The following ANKS1B variants were observed in gnomAD, a reference collection of about 807,000 sequenced individuals.
ANKS1B encodes ankyrin repeat and sterile alpha motif domain containing 1B.
ANKS1B carries 36 observed loss-of-function variants against 148.3 expected under a neutral mutation model. The observed-to-expected ratio is 0.24, with a 90% confidence interval of 0.19 to 0.32. ANKS1B has a LOEUF of 0.32. Among genes scored for constraint, ANKS1B ranks in the 10% least tolerant of loss-of-function variants. The pLI, the probability that ANKS1B is intolerant of heterozygous loss-of-function variation, is 1.00. For missense variants in ANKS1B, 1,157 were observed against 1,542.6 expected, an observed-to-expected ratio of 0.75 and a Z score of 4.19; for synonymous variants, 542 against 560.8, an observed-to-expected ratio of 0.97 and a Z score of 0.47.
intron 12 of ANKS1B, among the ~76,000 whole-genome samples, chr12:99,299,299 A>C (rs2081304255): frequency 6.6e-6 from 1 of 152,066 alleles, no homozygotes; most frequent in Non-Finnish European, 1.5e-5. Flanking sequence ...GGCCTGAAGC[A>C]ATTCTTCTGC....
chr12:99,831,090 G>A (rs2083916609), intron 1 of ANKS1B, among the ~76,000 whole-genome samples: 1 of 152,074 alleles, frequency 6.6e-6, no homozygotes, highest in Non-Finnish European at 1.5e-5. Flanking sequence ...CCACTAGAAT[G>A]AAAGCTCCAC....
At chr12:99,042,521 C>T (rs1050598251) in intron 17 of ANKS1B, among the ~76,000 whole-genome samples, 9 of 152,200 alleles carry the variant, frequency 5.9e-5, no homozygotes, top group African/African-American at 2.2e-4. Flanking sequence ...GTAAGCTCAG[C>T]TAAACAAATG....
intron 1 of ANKS1B, among the ~76,000 whole-genome samples, chr12:99,909,226 G>A (rs771934293): frequency 0.022 from 1,788 of 82,394 alleles, 25 homozygotes; most frequent in South Asian, 0.04. Context: ...TCGTGTGTGT[G>A]TGTGTGTGTG....
intron 1 of ANKS1B, among the ~76,000 whole-genome samples, chr12:99,956,370 T>C (rs539554376): frequency 2.6e-5 from 4 of 152,114 alleles, no homozygotes; most frequent in Non-Finnish European, 5.9e-5. Flanking sequence ...AAGTAAATTT[T>C]TTCTGGGGGT....
intron 14 of ANKS1B, among the ~76,000 whole-genome samples, chr12:99,178,015 T>C (rs1384978662): frequency 6.6e-6 from 1 of 152,224 alleles, no homozygotes; most frequent in Non-Finnish European, 1.5e-5. Context: ...CATACACAAT[T>C]GAGATATTCC....
chr12:99,781,518 G>A (rs532566763), intron 5 of ANKS1B, among the ~76,000 whole-genome samples: 1 of 152,024 alleles, frequency 6.6e-6, no homozygotes, highest in Non-Finnish European at 1.5e-5. Context: ...CCTTTAAAAG[G>A]TTCCCTTTAA....
intron 19 of ANKS1B, among the ~76,000 whole-genome samples, chr12:98,812,242 T>G (rs1467133679): frequency 6.6e-6 from 1 of 152,150 alleles, no homozygotes; most frequent in Non-Finnish European, 1.5e-5. Flanking sequence ...TTGGAAGAAG[T>G]AAAGCTAGAG....
intron 1 of ANKS1B, among the ~76,000 whole-genome samples, chr12:99,938,234 G>A (rs2094829690): frequency 6.6e-6 from 1 of 152,184 alleles, no homozygotes; most frequent in Non-Finnish European, 1.5e-5. Context: ...GACGATTCTA[G>A]TTGCTGAAGC....
At chr12:99,746,864 A>C (rs1211363586) in intron 8 of ANKS1B, among the ~76,000 whole-genome samples, 1 of 152,140 alleles carries the variant, frequency 6.6e-6, no homozygotes, top group African/African-American at 2.4e-5. Flanking sequence ...TACTATACAT[A>C]ACACATTCAA....
intron 6 of ANKS1B, among the ~76,000 whole-genome samples, chr12:99,776,631 C>A (rs1325362201): frequency 1.3e-5 from 2 of 151,994 alleles, no homozygotes; most frequent in Non-Finnish European, 2.9e-5. Context: ...TTAGAGAAAC[C>A]AAAACTCCAG....
chr12:99,290,738 A>T (rs1488668457), intron 12 of ANKS1B, among the ~76,000 whole-genome samples: 1 of 152,064 alleles, frequency 6.6e-6, no homozygotes, highest in Non-Finnish European at 1.5e-5. Flanking sequence ...CATAATAAAA[A>T]CTCTCAAAAA....
chr12:99,644,339 C>T (rs2098338867), intron 9 of ANKS1B, among the ~76,000 whole-genome samples: 1 of 152,174 alleles, frequency 6.6e-6, no homozygotes, highest in Non-Finnish European at 1.5e-5. Context: ...TAGGTATTCT[C>T]TAAGATCATA....
rs1478214996 is a variant in ANKS1B, at chr12:99,893,367, C to T, written c.135-67978G>A. On this transcript the variant is annotated intron_variant, in intron 1 of 26. Transcript: ENST00000683438. ...CAGAGCTTGCAGTGAGCCGAGATCG[C>T]GCCACTGCACTCCAGCCTGGGAGAC... is the stretch of plus-strand genomic sequence containing the variant. Among the ~76,000 whole-genome samples the T allele has an allele frequency of 8.1e-5, 12 of 148,608 alleles. No homozygotes were observed. In the South Asian group the frequency reaches 8.5e-4, roughly 11 times the overall value.
intron 8 of ANKS1B, among the ~76,000 whole-genome samples, chr12:99,718,834 C>T (rs1274265803): frequency 1.3e-5 from 2 of 152,210 alleles, no homozygotes; most frequent in Non-Finnish European, 2.9e-5. Flanking sequence ...CCATCAGGCT[C>T]AGCAAATTAC....
At chr12:98,861,603 C>T (rs1237677012) in intron 17 of ANKS1B, among the ~76,000 whole-genome samples, 1 of 152,170 alleles carries the variant, frequency 6.6e-6, no homozygotes, top group Admixed American at 6.5e-5. Flanking sequence ...TTGATTTCAT[C>T]AGCAAGAAAA....
chr12:99,208,974 G>A (rs2083010604), intron 14 of ANKS1B, among the ~76,000 whole-genome samples: 1 of 151,836 alleles, frequency 6.6e-6, no homozygotes, highest in Admixed American at 6.6e-5. Context: ...TTGTTTTTAT[G>A]GCAATATGGT....
At position 98,830,417 on chromosome 12, in the gene ANKS1B, C is replaced by T. The variant is rs937158043; in HGVS notation, c.2887-1064G>A. Among the ~76,000 whole-genome samples, 3 of 152,224 alleles carry T rather than the reference C, an allele frequency of 2.0e-5. No individual in the cohort carries two copies. The South Asian group carries it at 6.2e-4, about 32-fold the overall frequency. The stretch of plus-strand genomic sequence containing the variant: ...GTATTCATGTAGTCCCTACCCATCC[C>T]ACTCCAGTCTCTCTCAGGAGGCTAA... On this transcript the variant is annotated intron_variant, in intron 18 of 26. Coordinates refer to ENST00000683438, the MANE Select transcript of ANKS1B (RefSeq NM_001352186.2).
intron 8 of ANKS1B, among the ~76,000 whole-genome samples, chr12:99,710,458 G>A (rs980301397): frequency 3.9e-5 from 6 of 152,078 alleles, no homozygotes; most frequent in Non-Finnish European, 7.4e-5. Flanking sequence ...AAGACAGGGC[G>A]AATCCAGGCC....
chr12:99,706,454 C>T (rs2055784875), intron 8 of ANKS1B: 1 of 151,928 alleles, frequency 6.6e-6, no homozygotes, highest in South Asian at 2.1e-4. Flanking sequence ...TCAATTCTCA[C>T]CCATAATTAC....
Sources: allele counts gnomAD v4.1 joint callset (sites outside exome capture counted in the v4.1 genomes callset), GRCh38; gene constraint gnomAD v4.1.1; transcripts MANE v1.5; gene names NCBI Gene and HGNC (gene_info 2026-07-23, HGNC 2026-07-21).